The following ADK variants were observed in gnomAD, a reference collection of about 807,000 sequenced individuals.
ADK encodes adenosine kinase.
A neutral mutation model predicts 44.7 loss-of-function variants in ADK; 24 were observed. That is an observed-to-expected ratio of 0.54 (90% CI 0.39 to 0.76). ADK has a LOEUF of 0.76. Among genes scored for constraint, ADK ranks in the 30% least tolerant of loss-of-function variants. The pLI is 0.00. For synonymous variants in ADK, 128 were observed against 142.6 expected, an observed-to-expected ratio of 0.90 and a Z score of 0.73; for missense variants, 321 against 425.1, an observed-to-expected ratio of 0.76 and a Z score of 2.15.
intron 4 of ADK, among the ~76,000 whole-genome samples, chr10:74,361,066 C>A (rs1398342223): frequency 6.6e-6 from 1 of 152,138 alleles, no homozygotes; most frequent in East Asian, 1.9e-4. Flanking sequence ...CACCACCATG[C>A]CTGGCTAATT....
intron 10 of ADK, among the ~76,000 whole-genome samples, chr10:74,678,617 CT>C (rs1226062456): frequency 3.3e-5 from 5 of 152,152 alleles, no homozygotes; most frequent in African/African-American, 7.2e-5. Flanking sequence ...GGCTATCAGA[CT>C]CCAAAGCTCA....
intron 6 of ADK, among the ~76,000 whole-genome samples, chr10:74,473,856 A>G (rs1420867260): frequency 1.3e-5 from 2 of 152,212 alleles, no homozygotes; most frequent in Non-Finnish European, 1.5e-5. Flanking sequence ...CAAAATGAAT[A>G]GTGTTTAGAA....
intron 6 of ADK, among the ~76,000 whole-genome samples, chr10:74,450,915 T>C (rs535420733): frequency 9.9e-5 from 15 of 152,054 alleles, no homozygotes; most frequent in Admixed American, 1.3e-4. Flanking sequence ...TGTAGGCCAT[T>C]GGTCTGTTAA....
chr10:74,420,478 G>T (rs1007802414), intron 6 of ADK, among the ~76,000 whole-genome samples: 1 of 152,046 alleles, frequency 6.6e-6, no homozygotes, highest in Non-Finnish European at 1.5e-5. Context: ...TTACTACACT[G>T]TGGTTTTGTT....
chr10:74,247,224 GTTT>G (rs142274121), intron 3 of ADK, among the ~76,000 whole-genome samples: 10,445 of 71,064 alleles, frequency 0.15, 207 homozygotes, highest in Middle Eastern at 0.28. Context: ...TTTTTTTTAA[GTTT>G]TTTTTTTTTT....
intron 6 of ADK, among the ~76,000 whole-genome samples, chr10:74,436,622 A>G (rs758027761): frequency 5.3e-5 from 8 of 152,216 alleles, no homozygotes; most frequent in Non-Finnish European, 8.8e-5. Flanking sequence ...TGCTTAACTG[A>G]TTTTTGACAA....
intron 7 of ADK, among the ~76,000 whole-genome samples, chr10:74,571,057 T>C (rs372595392): frequency 2.6e-5 from 4 of 152,262 alleles, no homozygotes; most frequent in Non-Finnish European, 5.9e-5. Flanking sequence ...ATGTGGTTTT[T>C]GTCTTTGGTT....
intron 3 of ADK, among the ~76,000 whole-genome samples, chr10:74,272,883 CTATAG>C (rs151250523): frequency 0.015 from 2,234 of 152,280 alleles, 57 homozygotes; most frequent in African/African-American, 0.051. Context: ...AGCCCATGGT[CTATAG>C]TATACCTCTC....
intron 4 of ADK, among the ~76,000 whole-genome samples, chr10:74,339,956 A>G (rs1218611705): frequency 6.6e-6 from 1 of 152,132 alleles, no homozygotes; most frequent in African/African-American, 2.4e-5. Flanking sequence ...TCTTTTCTTT[A>G]TAATACTTCT....
At chr10:74,622,759 G>C (rs763183410) in intron 9 of ADK, among the ~76,000 whole-genome samples, 6 of 152,160 alleles carry the variant, frequency 3.9e-5, no homozygotes, top group African/African-American at 1.2e-4. Flanking sequence ...TGTAATCCTA[G>C]CACTTTGGGA....
At position 74,343,229 on chromosome 10, in the gene ADK, T is replaced by C. The variant is rs142410583; in HGVS notation, c.273+28484T>C. Among the ~76,000 whole-genome samples, 151 of 152,238 alleles carry C rather than the reference T, an allele frequency of 9.9e-4. 2 individuals carry two copies. The East Asian group carries it at 0.028, about 28-fold the overall frequency. ...CCTTGCACAACATGGCGATTGTGGGTGCTGACCCACTGCATAGTCTAAAAT... is the reference window on the plus strand; with the variant it reads ...CCTTGCACAACATGGCGATTGTGGGCGCTGACCCACTGCATAGTCTAAAAT... On this transcript the variant is annotated intron_variant, in intron 4 of 10. Coordinates refer to ENST00000539909, the MANE Select transcript of ADK (RefSeq NM_006721.4).
At chr10:74,666,204 T>G (rs532766582) in intron 9 of ADK, among the ~76,000 whole-genome samples, 1 of 152,336 alleles carries the variant, frequency 6.6e-6, no homozygotes, top group East Asian at 1.9e-4. Flanking sequence ...AGTGATTAGG[T>G]AGTGAAGCTT....
At chr10:74,701,482 T>G (rs1856415474) in intron 10 of ADK, among the ~76,000 whole-genome samples, 1 of 152,184 alleles carries the variant, frequency 6.6e-6, no homozygotes. Flanking sequence ...CAGGGCATAG[T>G]AGAGCCCAGA....
chr10:74,459,535 C>T (rs1846084185), intron 6 of ADK, among the ~76,000 whole-genome samples: 1 of 151,786 alleles, frequency 6.6e-6, no homozygotes, highest in South Asian at 2.1e-4. Context: ...TCGAGACCAT[C>T]CTGGCCAACA....
chr10:74,523,859 T>C (rs2133611795), intron 6 of ADK, among the ~76,000 whole-genome samples: 1 of 152,334 alleles, frequency 6.6e-6, no homozygotes, highest in Middle Eastern at 3.4e-3. Context: ...AATGTAGACA[T>C]TTATTAACTG....
chr10:74,459,561 T>C (rs1589132412), intron 6 of ADK, among the ~76,000 whole-genome samples: 1 of 151,526 alleles, frequency 6.6e-6, no homozygotes, highest in African/African-American at 2.4e-5. Flanking sequence ...AAACCTCGTC[T>C]CTACTAAAAA....
chr10:74,547,775 CAG>C (rs1849889899), intron 7 of ADK, among the ~76,000 whole-genome samples: 1 of 152,226 alleles, frequency 6.6e-6, no homozygotes, highest in Non-Finnish European at 1.5e-5. Context: ...TCTCCTGCCT[CAG>C]CCTCCCGAAT....
intron 9 of ADK, among the ~76,000 whole-genome samples, chr10:74,654,414 A>G (rs1242416479): frequency 6.6e-6 from 1 of 152,252 alleles, no homozygotes; most frequent in Non-Finnish European, 1.5e-5. Flanking sequence ...AAGAAGAATC[A>G]TATACATACA....
At chr10:74,570,501 T>C in intron 7 of ADK, among the ~76,000 whole-genome samples, 1 of 152,036 alleles carries the variant, frequency 6.6e-6, no homozygotes, top group East Asian at 1.9e-4. Context: ...GAAGAGGTCC[T>C]TCACATCCCT....
Sources: allele counts gnomAD v4.1 joint callset (sites outside exome capture counted in the v4.1 genomes callset), GRCh38; gene constraint gnomAD v4.1.1; transcripts MANE v1.5; gene names NCBI Gene and HGNC (gene_info 2026-07-23, HGNC 2026-07-21).